IMMP2L: variants seen among roughly 807,000 people sequenced by gnomAD.
The protein encoded by IMMP2L is mitochondrial inner membrane protease subunit 2.
IMMP2L carries 18 observed loss-of-function variants against 19.3 expected under a neutral mutation model. That is an observed-to-expected ratio of 0.93 (90% CI 0.64 to 1.38). The LOEUF (loss-of-function observed/expected upper bound fraction) is 1.38. Among genes scored for constraint, IMMP2L ranks in the 40% most tolerant of loss-of-function variants. The pLI is 0.00. For missense variants in IMMP2L, 233 were observed against 218.2 expected, an observed-to-expected ratio of 1.07 and a Z score of -0.43; for synonymous variants, 76 against 73.0, an observed-to-expected ratio of 1.04 and a Z score of -0.21.
intron 3 of IMMP2L, among the ~76,000 whole-genome samples, chr7:111,284,300 A>C (rs1820248845): frequency 6.6e-6 from 1 of 152,160 alleles, no homozygotes; most frequent in Non-Finnish European, 1.5e-5. Context: ...AACTGAAAAA[A>C]ATCATAACTT....
At chr7:111,132,321 T>TA (rs1384783729) in intron 3 of IMMP2L, among the ~76,000 whole-genome samples, 1 of 152,030 alleles carries the variant, frequency 6.6e-6, no homozygotes, top group Non-Finnish European at 1.5e-5. Flanking sequence ...TATAAAGCTC[T>TA]TCTCTTTCTC....
intron 3 of IMMP2L, among the ~76,000 whole-genome samples, chr7:111,473,908 T>C (rs371137432): frequency 2.6e-5 from 4 of 152,192 alleles, no homozygotes; most frequent in East Asian, 3.9e-4. Context: ...GGCTAAGACA[T>C]GGAATCAACC....
At chr7:111,470,446 C>T (rs961302761) in intron 3 of IMMP2L, among the ~76,000 whole-genome samples, 1 of 151,858 alleles carries the variant, frequency 6.6e-6, no homozygotes, top group African/African-American at 2.4e-5. Context: ...TGGCACTATT[C>T]ACAATAGCAA....
chr7:111,492,843 C>T (rs920834305), intron 2 of IMMP2L, among the ~76,000 whole-genome samples: 6 of 152,114 alleles, frequency 3.9e-5, no homozygotes, highest in South Asian at 4.2e-4. Context: ...TTTTCTTTTA[C>T]CTTTTCTTTC....
chr7:111,288,290 G>A (rs1820717392), intron 3 of IMMP2L, among the ~76,000 whole-genome samples: 2 of 152,124 alleles, frequency 1.3e-5, no homozygotes, highest in Non-Finnish European at 2.9e-5. Context: ...ATTAACTCAA[G>A]ATGGATTAAA....
intron 5 of IMMP2L, among the ~76,000 whole-genome samples, chr7:110,846,292 A>G (rs1180040765): frequency 6.6e-6 from 1 of 151,076 alleles, no homozygotes; most frequent in Non-Finnish European, 1.5e-5. Context: ...AAGTTTCTTT[A>G]GCTAAGGCCA....
chr7:110,700,328 C>G (rs1794188487), intron 5 of IMMP2L, among the ~76,000 whole-genome samples: 1 of 147,574 alleles, frequency 6.8e-6, no homozygotes, highest in South Asian at 2.1e-4. Context: ...CTCTAGTCCA[C>G]AGCACTGAAG....
Position 111,435,694 on chromosome 7 carries a change from T to C in IMMP2L, c.239+51544A>G, listed in dbSNP as rs549761462. On this transcript the variant is annotated intron_variant, in intron 3 of 5. Coordinates refer to ENST00000405709, the MANE Select transcript of IMMP2L (RefSeq NM_032549.4). ...AATATATTTTTAAAGAAATTCACAATTGGACAAGCGATTTTAATATCCCAA... is the reference window on the plus strand; with the variant it reads ...AATATATTTTTAAAGAAATTCACAACTGGACAAGCGATTTTAATATCCCAA... Among the ~76,000 whole-genome samples the C allele has an allele frequency of 1.1e-4, 17 of 151,970 alleles. No homozygotes were observed. In the South Asian group the frequency reaches 3.3e-3, roughly 30 times the overall value.
chr7:111,347,229 T>C (rs1229574885), intron 3 of IMMP2L, among the ~76,000 whole-genome samples: 2 of 151,914 alleles, frequency 1.3e-5, no homozygotes, highest in Non-Finnish European at 2.9e-5. Context: ...TTGAAGAATA[T>C]GGAGTGTCAG....
intron 3 of IMMP2L, among the ~76,000 whole-genome samples, chr7:111,315,862 G>C (rs1824011127): frequency 6.6e-6 from 1 of 151,992 alleles, no homozygotes; most frequent in South Asian, 2.1e-4. Context: ...AAGAGATAAG[G>C]CTTAAACCAC....
chr7:111,534,736 C>T (rs1487972315), intron 1 of IMMP2L, among the ~76,000 whole-genome samples: 1 of 152,166 alleles, frequency 6.6e-6, no homozygotes, highest in African/African-American at 2.4e-5. Context: ...TTCCCCAGTA[C>T]ATGAAGGTTT....
chr7:111,094,872 C>T lies in IMMP2L; in HGVS notation c.240-131307G>A, dbSNP rs778195398. ...AAAAAGGAACAGGGATAAATCGGAACGTTTTTCTAACTTGTTGAAAGGAAT... is the reference window on the plus strand; with the variant it reads ...AAAAAGGAACAGGGATAAATCGGAATGTTTTTCTAACTTGTTGAAAGGAAT... On this transcript the variant is annotated intron_variant, in intron 3 of 5. Coordinates refer to ENST00000405709, the MANE Select transcript of IMMP2L (RefSeq NM_032549.4). Among the ~76,000 whole-genome samples, 119 of 152,104 alleles carry T rather than the reference C, an allele frequency of 7.8e-4. 2 individuals carry two copies. Among genetic ancestry groups the T allele is most frequent in the Non-Finnish European group, 2.1e-4 (14 of 67,948 alleles).
intron 3 of IMMP2L, among the ~76,000 whole-genome samples, chr7:111,002,538 T>C (rs1215755599): frequency 6.6e-6 from 1 of 152,148 alleles, no homozygotes; most frequent in East Asian, 1.9e-4. Context: ...TCTTAAGCTT[T>C]GAGTTCTTGA....
chr7:110,753,868 T>C (rs1797886353), intron 5 of IMMP2L, among the ~76,000 whole-genome samples: 1 of 151,854 alleles, frequency 6.6e-6, no homozygotes, highest in Admixed American at 6.6e-5. Context: ...AATTAACTTA[T>C]TTTTTGTTCA....
At position 110,820,115 on chromosome 7, in the gene IMMP2L, T is replaced by C. The variant is rs1802890913; in HGVS notation, c.408+66478A>G. On this transcript the variant is annotated intron_variant, in intron 5 of 5. Transcript: ENST00000405709. Reference sequence around the variant, plus strand: ...TATCACCTCCACCTAACTCCTAAAATAGATGACATAAATTCAATAAGAATC... The same window carrying C: ...TATCACCTCCACCTAACTCCTAAAACAGATGACATAAATTCAATAAGAATC... Among the ~76,000 whole-genome samples, 4 of 152,056 alleles carry C rather than the reference T, an allele frequency of 2.6e-5. No homozygotes were observed. In the South Asian group the frequency reaches 8.3e-4, roughly 32 times the overall value.
intron 5 of IMMP2L, among the ~76,000 whole-genome samples, chr7:110,704,819 A>C (rs1489959797): frequency 6.6e-6 from 1 of 152,206 alleles, no homozygotes; most frequent in Non-Finnish European, 1.5e-5. Context: ...TTGGGAGGTT[A>C]GTGAGACTCT....
intron 3 of IMMP2L, among the ~76,000 whole-genome samples, chr7:111,281,208 AAGAAAGAAAAAGAAAGAAAG>A (rs1819792270): frequency 1.9e-5 from 1 of 53,806 alleles, no homozygotes; most frequent in African/African-American, 7.3e-5. Context: ...GAAAGAAAGA[AAGAAAGAAAAAGAAAGAAAG>A]AAAGAAAGAA....
At chr7:110,992,657 C>T (rs954793527) in intron 3 of IMMP2L, among the ~76,000 whole-genome samples, 1 of 151,560 alleles carries the variant, frequency 6.6e-6, no homozygotes, top group African/African-American at 2.4e-5. Flanking sequence ...TGATATAAGT[C>T]ATAATATACA....
At chr7:111,539,196 G>GAAGGAAGGAAGGAAGGAGAA (rs1848235484) in intron 1 of IMMP2L, among the ~76,000 whole-genome samples, 5 of 30,058 alleles carry the variant, frequency 1.7e-4, no homozygotes, top group East Asian at 9.8e-4. Context: ...AGGAAGGAGG[G>GAAGGAAGGAAGGAAGGAGAA]AGAAAGAAAG....
Sources: gnomAD v4.1 joint callset for allele counts (sites outside exome capture counted in the v4.1 genomes callset) on GRCh38, gnomAD v4.1.1 for gene constraint, MANE v1.5 for transcripts, NCBI Gene and HGNC (gene_info 2026-07-23, HGNC 2026-07-21) for gene names.